NAXD: variants seen among roughly 807,000 people sequenced by gnomAD.
The protein encoded by NAXD is ATP-dependent (S)-NAD(P)H-hydrate dehydratase.
NAXD carries 22 observed loss-of-function variants against 35.8 expected under a neutral mutation model. The observed-to-expected ratio is 0.62, with a 90% CI of 0.44 to 0.88. The LOEUF is 0.88. NAXD is among the 40% of genes least tolerant of loss of function. The probability of loss-of-function intolerance (pLI) is 0.00; values close to 1 mark genes in which losing one functional copy is unlikely to be tolerated. For missense variants in NAXD, 428 were observed against 437.7 expected, an observed-to-expected ratio of 0.98 and a Z score of 0.20; for synonymous variants, 189 against 177.6, an observed-to-expected ratio of 1.06 and a Z score of -0.51.
At chr13:110,637,667 GCCCT>G in intron 9 of NAXD, 1 of 419,082 alleles carries the variant, frequency 2.4e-6, no homozygotes, top group East Asian at 7.1e-5. Flanking sequence ...TAGGACCAGG[GCCCT>G]TGGCCCAGTT....
In NAXD at chr13:110,628,969, AG is replaced by A; in HGVS notation, c.441+1425del. 6.6e-6 allele frequency among the ~76,000 whole-genome samples: 1 copy of A among 151,054 alleles called. No homozygotes were observed. The highest frequency in any genetic ancestry group is 1.9e-4 in the East Asian group (1 of 5,190). On this transcript the variant is annotated intron_variant, in intron 5 of 9. Coordinates refer to ENST00000680254, the MANE Select transcript of NAXD (RefSeq NM_001242882.2). This position sits in a 1 kb window ranked among gnomAD's most constrained non-coding sequence, Gnocchi z 4.1. ...GTGGAAGTGTGAAAGGTGGGAAGTG[AG>A]GGTGTGCGTCGCTGCCCCTGCAGCC...
intron 7 of NAXD, 68 bp downstream of exon 7, chr13:110,634,844 C>T: frequency 8.5e-7 from 1 of 1,175,002 alleles, no homozygotes; most frequent in Non-Finnish European, 1.2e-6. Context: ...GAAGGACGAG[C>T]TCCATGCTTC....
intron 1 of NAXD, among the ~76,000 whole-genome samples, chr13:110,619,514 A>G (rs1388554796): frequency 6.6e-6 from 1 of 152,208 alleles, no homozygotes; most frequent in Admixed American, 6.5e-5. Flanking sequence ...CTGTGATTTC[A>G]TAAGTCACAA....
At position 110,615,615 on chromosome 13, in the gene NAXD, C is replaced by G. The variant is rs748743686; in HGVS notation, c.14C>G (p.Pro5Arg). The change falls in exon 1 of 10, where the codon CCT becomes CGT. Residue 5 changes from proline to arginine, a missense_variant. Transcript: ENST00000680254. Reference sequence around the variant, plus strand: ...GAATGCTGCCCGATGGCCCTGGGTCCTCGCTGTGGGGCAATCCGGGCTTGC... The same window carrying G: ...GAATGCTGCCCGATGGCCCTGGGTCGTCGCTGTGGGGCAATCCGGGCTTGC... MALG[P>R]RCGAIRACRR... 2 of 1,458,700 alleles carry G rather than the reference C, an allele frequency of 1.4e-6. No individual in the cohort carries two copies. The highest frequency in any genetic ancestry group is 1.3e-5 in the South Asian group (1 of 75,540). The allele number at this position is 1,458,700 out of a possible 1,614,324, so 90.4% of individuals were successfully genotyped here. A position where few individuals can be genotyped will look rare whatever the true frequency, so the allele number is the denominator to read the frequency against.
chr13:110,618,645 G>C, intron 1 of NAXD, among the ~76,000 whole-genome samples: 1 of 152,116 alleles, frequency 6.6e-6, no homozygotes, highest in Non-Finnish European at 1.5e-5. Flanking sequence ...GCCCTTATTC[G>C]TATATTGTAT....
chr13:110,621,589 C>T (rs535413775), intron 1 of NAXD, among the ~76,000 whole-genome samples: 10 of 151,770 alleles, frequency 6.6e-5, no homozygotes, highest in Admixed American at 6.6e-5. Flanking sequence ...CCAGATACTC[C>T]GGAGGCTGAG....
Position 110,617,579 on chromosome 13 carries a change from T to C in NAXD, c.46+1932T>C, listed in dbSNP as rs557894289. 1.7e-4 allele frequency among the ~76,000 whole-genome samples: 26 copies of C among 152,372 alleles called. No homozygotes were observed. The South Asian group carries it at 5.4e-3, about 32-fold the overall frequency. Reference sequence around the variant, plus strand: ...CCCTTTTGCTAACAGAAGCTGTTTATCTTAGGTGAATGCTGGTGAGCAGCC... The same window carrying C: ...CCCTTTTGCTAACAGAAGCTGTTTACCTTAGGTGAATGCTGGTGAGCAGCC... On this transcript the variant is annotated intron_variant, in intron 1 of 9. Transcript: ENST00000680254.
At position 110,638,293 on chromosome 13, in the gene NAXD, A is replaced by G. The variant is rs1887012857; in HGVS notation, c.840-85A>G. 5 of 1,605,684 alleles carry G rather than the reference A, an allele frequency of 3.1e-6. No individual in the cohort carries two copies. Among genetic ancestry groups the G allele is most frequent in the African/African-American group, 1.3e-5 (1 of 74,470 alleles). ...TTTGGGGTCCTGAGATTGAAACAGG[A>G]GTCAAAACCAGAGCCCAGGGTAGCT... On this transcript the variant is annotated intron_variant, in intron 9 of 9. Transcript: ENST00000680254. This position sits in a 1 kb window ranked among gnomAD's most constrained non-coding sequence, Gnocchi z 5.4.
intron 5 of NAXD, among the ~76,000 whole-genome samples, chr13:110,627,891 C>G (rs938468147): frequency 2.6e-5 from 4 of 152,120 alleles, no homozygotes; most frequent in African/African-American, 9.7e-5. Flanking sequence ...CCCAGGCCAC[C>G]CCCTTCTTGC....
At chr13:110,633,485 A>C (rs959633279) in intron 5 of NAXD, among the ~76,000 whole-genome samples, 92 of 152,344 alleles carry the variant, frequency 6.0e-4, no homozygotes, top group Non-Finnish European at 9.1e-4. Flanking sequence ...CCCACAGTGC[A>C]GTGGTGGGCT....
At chr13:110,618,663 T>C (rs557185467) in intron 1 of NAXD, among the ~76,000 whole-genome samples, 2 of 152,342 alleles carry the variant, frequency 1.3e-5, no homozygotes, top group South Asian at 4.1e-4. Flanking sequence ...TATTCGATGT[T>C]TGAGCCCCCT....
chr13:110,639,603 G>A lies in NAXD; in HGVS notation c.*1075G>A, dbSNP rs934435355. 30 of 152,216 alleles carry A rather than the reference G, an allele frequency of 2.0e-4. 1 individual carries two copies. The highest frequency in any genetic ancestry group is 6.5e-4 in the Admixed American group (10 of 15,274). The allele number at this position is 152,216 out of a possible 1,614,324, so 9.4% of individuals were successfully genotyped here. A position where few individuals can be genotyped will look rare whatever the true frequency, so the allele number is the denominator to read the frequency against. On this transcript the variant is annotated 3_prime_UTR_variant, in exon 10 of 10. Transcript: ENST00000680254. ...GATGGTTTTCCTGGAGCGGCCTGAC[G>A]TTGACGTGTTCTCTGGTCCCATGTC...
intron 8 of NAXD, 29 bp downstream of exon 8, chr13:110,635,617 G>A (rs1481689571): frequency 6.2e-7 from 1 of 1,610,790 alleles, no homozygotes; most frequent in Non-Finnish European, 8.5e-7. Context: ...CTGTGCATGG[G>A]CCAGTGCCAG....
intron 8 of NAXD, among the ~76,000 whole-genome samples, chr13:110,636,447 G>T (rs1395664973): frequency 1.3e-5 from 2 of 152,074 alleles, no homozygotes; most frequent in East Asian, 1.9e-4. Flanking sequence ...CACATGCATG[G>T]TCATGCTCAC....
chr13:110,634,932 T>C (rs745886750), intron 7 of NAXD, among the ~76,000 whole-genome samples, 156 bp downstream of exon 7: 1 of 152,186 alleles, frequency 6.6e-6, no homozygotes, highest in Non-Finnish European at 1.5e-5. Context: ...TTCCCATTAA[T>C]GCGCTTGGAT....
chr13:110,618,213 C>G (rs912904660), intron 1 of NAXD, among the ~76,000 whole-genome samples: 1 of 152,172 alleles, frequency 6.6e-6, no homozygotes, highest in African/African-American at 2.4e-5. Flanking sequence ...AAGCTAGCTT[C>G]CATTTGAGAG....
intron 1 of NAXD, chr13:110,615,848 CG>C: frequency 8.1e-7 from 1 of 1,230,468 alleles, no homozygotes; most frequent in Non-Finnish European, 1.0e-6. Context: ...CGCGCGGGGC[CG>C]GGGCGCCGTG....
At chr13:110,637,284 C>A in intron 9 of NAXD, 35 bp downstream of exon 9, 1 of 1,612,762 alleles carries the variant, frequency 6.2e-7, no homozygotes, top group Non-Finnish European at 8.5e-7. Flanking sequence ...TACTTTGAAA[C>A]CGTCTGATTT....
At chr13:110,624,911 G>T (rs1055476278) in intron 3 of NAXD, among the ~76,000 whole-genome samples, 2 of 152,240 alleles carry the variant, frequency 1.3e-5, no homozygotes, top group Non-Finnish European at 2.9e-5. Context: ...GCCTCTTCCT[G>T]TGACCCTTCC....
Sources: allele counts gnomAD v4.1 joint callset (sites outside exome capture counted in the v4.1 genomes callset), GRCh38; gene constraint gnomAD v4.1.1; non-coding constraint Gnocchi (gnomAD v3.1); transcripts MANE v1.5; gene names NCBI Gene and HGNC (gene_info 2026-07-23, HGNC 2026-07-21).